SSTR1: variants seen among roughly 807,000 people sequenced by gnomAD.
SSTR1 encodes the protein somatostatin receptor 1.
In SSTR1, 10 loss-of-function variants were observed where a neutral mutation model predicts 20.7. That is an observed-to-expected ratio of 0.48 (90% CI 0.30 to 0.82). The LOEUF (loss-of-function observed/expected upper bound fraction) is 0.82, where lower values mean the gene tolerates loss of function less well. Ranked by LOEUF, SSTR1 falls within the 40% of genes least tolerant of loss-of-function variation. The pLI is 0.07. For missense variants in SSTR1, 494 were observed against 540.0 expected (o/e 0.91, Z 0.84); for synonymous variants, 267 against 227.8 (o/e 1.17, Z -1.55).
Position 38,210,032 on chromosome 14 carries a change from C to G in SSTR1, c.643C>G (p.Pro215Ala). The G allele has an allele frequency of 6.2e-7, 1 of 1,614,172 alleles. No homozygotes were observed. The highest frequency in any genetic ancestry group is 8.5e-7 in the Non-Finnish European group (1 of 1,180,040). ...GGCTTGCAACATGCTCATGCCAGAG[C>G]CCGCTCAACGCTGGCTGGTGGGCTT... is the stretch of plus-strand genomic sequence containing the variant. ...TVACNMLMPE[P>A]AQRWLVGFVL... Residue 215 changes from proline to alanine, a missense_variant, in exon 3 of 3, where the codon CCC becomes GCC. By Grantham distance (27) the Pro-to-Ala change is conservative. Transcript: ENST00000267377.
intron 2 of SSTR1, among the ~76,000 whole-genome samples, 157 bp from the exon 3 acceptor site, chr14:38,208,889 T>A (rs1001870422): frequency 6.6e-6 from 1 of 152,036 alleles, no homozygotes; most frequent in African/African-American, 2.4e-5. Context: ...TTGGTTCCTC[T>A]GAGAGCAAGA....
chr14:38,210,274 G>A lies in SSTR1; in HGVS notation c.885G>A (p.Val295=). 1 of 1,614,198 alleles carries A rather than the reference G, an allele frequency of 6.2e-7. No individual in the cohort carries two copies. The highest frequency in any genetic ancestry group is 2.2e-5 in the East Asian group (1 of 44,876). The change falls in exon 3 of 3, where the codon GTG becomes GTA. Residue 295 remains valine (V), a synonymous_variant. Transcript: ENST00000267377. The stretch of plus-strand genomic sequence containing the variant: ...TCTACGTGGTGCAGCTGGTCAACGT[G>A]TTTGCTGAGCAGGACGACGCCACGG... ...MPFYVVQLVN[V]FAEQDDATVS... is the part of the protein sequence containing the mutation.
rs1883303097 is a variant in SSTR1, at chr14:38,210,397, C to T, written c.1008C>T (p.Arg336=). Residue 336 remains arginine, a synonymous_variant, in exon 3 of 3, where the codon CGC becomes CGT. Coordinates refer to ENST00000267377, the MANE Select transcript of SSTR1 (RefSeq NM_001049.3). ...ACAACTTCAAGCGCTCTTTCCAACG[C>T]ATCCTATGCCTCAGCTGGATGGACA... ...LSDNFKRSFQ[R]ILCLSWMDNA... is the part of the protein sequence containing the mutation. 1.2e-6 allele frequency: 2 copies of T among 1,614,256 alleles called. No homozygotes were observed. The highest frequency in any genetic ancestry group is 8.5e-7 in the Non-Finnish European group (1 of 1,180,048).
Position 38,211,540 on chromosome 14 carries a change from G to A in SSTR1, c.*975G>A, listed in dbSNP as rs1186365610. 6.0e-6 allele frequency: 1 copy of A among 167,276 alleles called. No homozygotes were observed. Among genetic ancestry groups the A allele is most frequent in the Non-Finnish European group, 1.5e-5 (1 of 68,256 alleles). The allele number at this position is 167,276 out of a possible 1,614,324, so 10.4% of individuals were successfully genotyped here. A position where few individuals can be genotyped will look rare whatever the true frequency, so the allele number is the denominator to read the frequency against. On this transcript the variant is annotated 3_prime_UTR_variant, in exon 3 of 3. Transcript: ENST00000267377. Reference sequence around the variant, plus strand: ...CCCGGGGTTCGGGGTTCGGGGTTCGGTTGCAGGGCTGCAGCCCGCCTTGGC... The same window carrying A: ...CCCGGGGTTCGGGGTTCGGGGTTCGATTGCAGGGCTGCAGCCCGCCTTGGC...
In SSTR1 at chr14:38,210,121, G is replaced by A; in HGVS notation, c.732G>A (p.Val244=). Residue 244 remains valine (V), a synonymous_variant, in exon 3 of 3, where the codon GTG becomes GTA. Coordinates refer to ENST00000267377, the MANE Select transcript of SSTR1 (RefSeq NM_001049.3). ...LPVGAICLCY[V]LIIAKMRMVA... ...TGGGGGCTATCTGCCTGTGCTACGT[G>A]CTCATCATTGCTAAGATGCGCATGG... 1.9e-6 allele frequency: 3 copies of A among 1,614,258 alleles called. No individual in the cohort carries two copies. The highest frequency in any genetic ancestry group is 1.1e-5 in the South Asian group (1 of 91,090).
At position 38,209,277 on chromosome 14, in the gene SSTR1, T is replaced by A; in HGVS notation, c.-113T>A. 7.8e-7 allele frequency: 1 copy of A among 1,286,446 alleles called. No homozygotes were observed. The allele number at this position is 1,286,446 out of a possible 1,614,324, so 79.7% of individuals were successfully genotyped here. The stretch of plus-strand genomic sequence containing the variant: ...GCGGTTGCGCTCTACCCGGAGGCGC[T>A]GGGCGGCTGTGGGCTGCAGGCAAGC... On this transcript the variant is annotated 5_prime_UTR_variant, in exon 3 of 3. Transcript: ENST00000267377.
rs575464186 is a variant in SSTR1 at position 38,207,922 on chromosome 14, CAGAA to C, written c.-690_-687del. On this transcript the variant is annotated 5_prime_UTR_variant, in exon 1 of 3. Transcript: ENST00000267377. ...CAGAGCCAGCTCACAAATCAAGCCT[CAGAA>C]AGAGCTGACATCCTAGCTCTTCCCG... The C allele has an allele frequency of 6.6e-5, 10 of 152,360 alleles. No homozygotes were observed. In the East Asian group the frequency reaches 1.7e-3, roughly 26 times the overall value. The allele number at this position is 152,360 out of a possible 1,614,324, so 9.4% of individuals were successfully genotyped here. A position where few individuals can be genotyped will look rare whatever the true frequency, so the allele number is the denominator to read the frequency against.
chr14:38,209,411 T>G lies in SSTR1; in HGVS notation c.22T>G (p.Ser8Ala). The G allele has an allele frequency of 1.3e-6, 2 of 1,516,306 alleles. No individual in the cohort carries two copies. The highest frequency in any genetic ancestry group is 1.8e-6 in the Non-Finnish European group (2 of 1,134,552). The allele number at this position is 1,516,306 out of a possible 1,614,324, so 93.9% of individuals were successfully genotyped here. The change falls in exon 3 of 3, where the codon TCC becomes GCC. Residue 8 changes from serine to alanine, a missense_variant. Around this residue, in one of 3 missense-constraint regions of SSTR1, gnomAD observed 98 missense variants for 79.3 expected, o/e 1.24. Transcript: ENST00000267377. ...TGGGATGTTCCCCAATGGCACCGCCTCCTCTCCTTCCTCCTCTCCTAGCCC... is the reference window on the plus strand; with the variant it reads ...TGGGATGTTCCCCAATGGCACCGCCGCCTCTCCTTCCTCCTCTCCTAGCCC... MFPNGTA[S>A]SPSSSPSPSP... is the part of the protein sequence containing the mutation.
Position 38,209,602 on chromosome 14 carries a change from G to A in SSTR1, c.213G>A (p.Val71=). The change falls in exon 3 of 3, where the codon GTG becomes GTA. Residue 71 remains valine, a synonymous_variant. Transcript: ENST00000267377. ...ISFIYSVVCL[V]GLCGNSMVIY... ...TCATCTACTCCGTGGTGTGCCTGGT[G>A]GGGCTGTGTGGGAACTCTATGGTCA... The A allele has an allele frequency of 6.2e-7, 1 of 1,613,998 alleles. No individual in the cohort carries two copies. Among genetic ancestry groups the A allele is most frequent in the Non-Finnish European group, 8.5e-7 (1 of 1,179,962 alleles).
chr14:38,210,532 T>C lies in SSTR1; in HGVS notation c.1143T>C (p.Asn381=). 6.4e-7 allele frequency: 1 copy of C among 1,566,382 alleles called. No homozygotes were observed. The highest frequency in any genetic ancestry group is 8.7e-7 in the Non-Finnish European group (1 of 1,154,876). Residue 381 remains asparagine, a synonymous_variant, in exon 3 of 3, where the codon AAT becomes AAC. Transcript: ENST00000267377. ...TGGAGTCCGGCGGCGTCTTCCGTAA[T>C]GGCACCTGCACGTCCCGGATCACGA... ...ENLESGGVFR[N]GTCTSRITTL
In SSTR1 at chr14:38,211,412, TAGG is replaced by T. The variant is rs1173336171; in HGVS notation, c.*849_*851del. 1 of 167,088 alleles carries T rather than the reference TAGG, an allele frequency of 6.0e-6. No individual in the cohort carries two copies. Among genetic ancestry groups the T allele is most frequent in the East Asian group, 1.9e-4 (1 of 5,160 alleles). 10.4% of individuals were successfully genotyped at this position (167,088 alleles called of 1,614,324 possible). On this transcript the variant is annotated 3_prime_UTR_variant, in exon 3 of 3. Coordinates refer to ENST00000267377, the MANE Select transcript of SSTR1 (RefSeq NM_001049.3). ...GCGGGGTCGGAGTGTGGGCGCGTAA[TAGG>T]AATCACCCTCCTACTGCGCGTTTTC... is the stretch of plus-strand genomic sequence containing the variant.
Position 38,207,940 on chromosome 14 carries a change from T to G in SSTR1, c.-676T>G. 6.6e-6 allele frequency: 1 copy of G among 152,264 alleles called. No homozygotes were observed. Among genetic ancestry groups the G allele is most frequent in the Admixed American group, 6.5e-5 (1 of 15,290 alleles). The allele number at this position is 152,264 out of a possible 1,614,324, so 9.4% of individuals were successfully genotyped here. ...CAAGCCTCAGAAAGAGCTGACATCCTAGCTCTTCCCGGAAAAACTCGAATG... is the reference window on the plus strand; with the variant it reads ...CAAGCCTCAGAAAGAGCTGACATCCGAGCTCTTCCCGGAAAAACTCGAATG... On this transcript the variant is annotated 5_prime_UTR_variant, in exon 1 of 3. Coordinates refer to ENST00000267377, the MANE Select transcript of SSTR1 (RefSeq NM_001049.3).
rs776827075 is a variant in SSTR1 at position 38,209,494 on chromosome 14, G to A, written c.105G>A (p.Ala35=). 2 of 1,576,128 alleles carry A rather than the reference G, an allele frequency of 1.3e-6. No homozygotes were observed. Among genetic ancestry groups the A allele is most frequent in the African/African-American group, 1.3e-5 (1 of 74,162 alleles). ...GGSRGPGAGA[A]DGMEEPGRNA... ...GCAGGGGCCCCGGGGCCGGCGCTGCGGACGGCATGGAGGAGCCAGGGCGAA... is the reference window on the plus strand; with the variant it reads ...GCAGGGGCCCCGGGGCCGGCGCTGCAGACGGCATGGAGGAGCCAGGGCGAA... The change falls in exon 3 of 3, where the codon GCG becomes GCA. Residue 35 remains alanine (A), a synonymous_variant. Transcript: ENST00000267377.
rs1883305141 is a variant in SSTR1 at position 38,210,465 on chromosome 14, A to G, written c.1076A>G (p.Lys359Arg). 6.2e-7 allele frequency: 1 copy of G among 1,613,892 alleles called. No individual in the cohort carries two copies. The highest frequency in any genetic ancestry group is 1.3e-5 in the African/African-American group (1 of 74,944). ...EPVDYYATAL[K>R]SRAYSVEDFQ... ...GTTGACTATTACGCCACCGCGCTCA[A>G]GAGCCGTGCCTACAGTGTGGAAGAC... is the stretch of plus-strand genomic sequence containing the variant. The change falls in exon 3 of 3, where the codon AAG becomes AGG. Residue 359 changes from lysine to arginine, a missense_variant. This residue lies in a region of SSTR1 where 280 missense variants were observed against 286.1 expected (regional missense o/e 0.98). Coordinates refer to ENST00000267377, the MANE Select transcript of SSTR1 (RefSeq NM_001049.3).
Position 38,209,690 on chromosome 14 carries a change from G to C in SSTR1, c.301G>C (p.Ala101Pro). ...CACCAACATCTACATCCTAAATCTGGCCATTGCTGATGAGCTGCTCATGCT... is the reference window on the plus strand; with the variant it reads ...CACCAACATCTACATCCTAAATCTGCCCATTGCTGATGAGCTGCTCATGCT... ...TATNIYILNL[A>P]IADELLMLSV... The change falls in exon 3 of 3, where the codon GCC (alanine) becomes CCC (proline). Residue 101 changes from alanine to proline, a missense_variant. This residue lies in a region of SSTR1 where 116 missense variants were observed against 174.6 expected (regional missense o/e 0.66). Coordinates refer to ENST00000267377, the MANE Select transcript of SSTR1 (RefSeq NM_001049.3). 1.2e-6 allele frequency: 2 copies of C among 1,614,062 alleles called. No homozygotes were observed. Among genetic ancestry groups the C allele is most frequent in the Non-Finnish European group, 1.7e-6 (2 of 1,180,024 alleles).
chr14:38,210,093 C>G lies in SSTR1; in HGVS notation c.704C>G (p.Pro235Arg). The G allele has an allele frequency of 6.2e-7, 1 of 1,614,222 alleles. No individual in the cohort carries two copies. The highest frequency in any genetic ancestry group is 8.5e-7 in the Non-Finnish European group (1 of 1,180,058). Residue 235 changes from proline (P) to arginine (R), a missense_variant, in exon 3 of 3, where the codon CCC (proline) becomes CGC (arginine). Around this residue, in one of 3 missense-constraint regions of SSTR1, gnomAD observed 280 missense variants for 286.1 expected, o/e 0.98. Coordinates refer to ENST00000267377, the MANE Select transcript of SSTR1 (RefSeq NM_001049.3). ...LYTFLMGFLL[P>R]VGAICLCYVL... ...ACATTTCTCATGGGCTTCCTGCTGCCCGTGGGGGCTATCTGCCTGTGCTAC... is the reference window on the plus strand; with the variant it reads ...ACATTTCTCATGGGCTTCCTGCTGCGCGTGGGGGCTATCTGCCTGTGCTAC...
chr14:38,209,496 A>G lies in SSTR1; in HGVS notation c.107A>G (p.Asp36Gly). 1.3e-6 allele frequency: 2 copies of G among 1,577,160 alleles called. No homozygotes were observed. Among genetic ancestry groups the G allele is most frequent in the South Asian group, 2.4e-5 (2 of 84,008 alleles). The change falls in exon 3 of 3, where the codon GAC becomes GGC. Residue 36 changes from aspartate to glycine, a missense_variant. Coordinates refer to ENST00000267377, the MANE Select transcript of SSTR1 (RefSeq NM_001049.3). ...GSRGPGAGAA[D>G]GMEEPGRNAS... The stretch of plus-strand genomic sequence containing the variant: ...AGGGGCCCCGGGGCCGGCGCTGCGG[A>G]CGGCATGGAGGAGCCAGGGCGAAAT...
chr14:38,209,817 C>G lies in SSTR1; in HGVS notation c.428C>G (p.Thr143Ser), dbSNP rs757067382. The change falls in exon 3 of 3, where the codon ACC (threonine) becomes AGC (serine). Residue 143 changes from threonine (T) to serine (S), a missense_variant. Physicochemically the swap from Thr to Ser is moderately conservative, Grantham distance 58. This residue lies in a region of SSTR1 where 116 missense variants were observed against 174.6 expected (regional missense o/e 0.66). Coordinates refer to ENST00000267377, the MANE Select transcript of SSTR1 (RefSeq NM_001049.3). ...AGCGTGGACGCGGTCAACATGTTCA[C>G]CAGCATCTACTGTCTGACTGTGCTC... ...VLSVDAVNMFTSIYCLTVLSV... is the reference protein window; with the variant it reads ...VLSVDAVNMFSSIYCLTVLSV... The G allele has an allele frequency of 3.8e-5, 61 of 1,613,772 alleles. No homozygotes were observed. Among genetic ancestry groups the G allele is most frequent in the African/African-American group, 9.3e-5 (7 of 74,918 alleles).
At position 38,209,638 on chromosome 14, in the gene SSTR1, C is replaced by T. The variant is rs891169932; in HGVS notation, c.249C>T (p.Ile83=). ...LCGNSMVIYV[I]LRYAKMKTAT... ...GGAACTCTATGGTCATCTACGTGAT[C>T]CTGCGCTATGCCAAGATGAAGACGG... is the stretch of plus-strand genomic sequence containing the variant. Residue 83 remains isoleucine, a synonymous_variant, in exon 3 of 3, where the codon ATC becomes ATT. Transcript: ENST00000267377. 6.2e-7 allele frequency: 1 copy of T among 1,614,080 alleles called. No homozygotes were observed. Among genetic ancestry groups the T allele is most frequent in the African/African-American group, 1.3e-5 (1 of 75,042 alleles).
Sources: gnomAD v4.1 joint callset for allele counts (sites outside exome capture counted in the v4.1 genomes callset) on GRCh38, gnomAD v4.1.1 for gene constraint, gnomAD v4.1.1 regional missense constraint, MANE v1.5 for transcripts, NCBI Gene and HGNC (gene_info 2026-07-23, HGNC 2026-07-21) for gene names.